SLC25A21: variants seen among roughly 807,000 people sequenced by gnomAD.
The protein encoded by SLC25A21 is solute carrier family 25 member 21.
In SLC25A21, 47 loss-of-function variants were observed where a neutral mutation model predicts 43.8. The observed-to-expected ratio is 1.07, with a 90% CI of 0.85 to 1.37. The LOEUF is 1.37. Ranked by LOEUF, SLC25A21 falls within the 40% of genes most tolerant of loss-of-function variation. SLC25A21 has a pLI of 0.00. For synonymous variants in SLC25A21, 131 were observed against 121.3 expected (o/e 1.08, Z -0.52); for missense variants, 352 against 350.2 (o/e 1.00, Z -0.04).
chr14:36,905,467 C>T (rs1445706311), intron 1 of SLC25A21, among the ~76,000 whole-genome samples: 1 of 152,160 alleles, frequency 6.6e-6, no homozygotes, highest in East Asian at 1.9e-4. Context: ...AGAAGCTTGC[C>T]CACTCATGCG....
chr14:36,845,011 T>C (rs572110043), intron 2 of SLC25A21, among the ~76,000 whole-genome samples: 107 of 152,320 alleles, frequency 7.0e-4, no homozygotes, highest in Middle Eastern at 6.8e-3. Context: ...TCTTGCAAAC[T>C]GATGTTTTTA....
chr14:36,817,711 G>A (rs1374293287), intron 2 of SLC25A21, among the ~76,000 whole-genome samples: 1 of 152,162 alleles, frequency 6.6e-6, no homozygotes, highest in African/African-American at 2.4e-5. Flanking sequence ...GAACAAGTCA[G>A]CAGATGGGCC....
rs531296490 is a variant in SLC25A21, at chr14:37,147,963, G to A, written c.70+24318C>T. ...TACAATTCTCCTGCCTCAGCCTCCC[G>A]AGTAGCAGGGATTGCAGGCACTCAC... On this transcript the variant is annotated intron_variant, in intron 1 of 9. Transcript: ENST00000331299. 1.1e-4 allele frequency among the ~76,000 whole-genome samples: 16 copies of A among 147,162 alleles called. No homozygotes were observed. The South Asian group carries it at 2.4e-3, about 22-fold the overall frequency.
Position 36,680,588 on chromosome 14 carries a change from G to C in SLC25A21, c.*70C>G. On this transcript the variant is annotated 3_prime_UTR_variant, in exon 10 of 10. Transcript: ENST00000331299. ...TAATTATACACCTGGCCGATCGATA[G>C]TCTCTCTTCTTCATGGTGCTGCATA... The C allele has an allele frequency of 6.5e-7, 1 of 1,547,728 alleles. No individual in the cohort carries two copies. Among genetic ancestry groups the C allele is most frequent in the Non-Finnish European group, 8.7e-7 (1 of 1,146,986 alleles).
At chr14:36,976,096 T>C (rs1002842845) in intron 1 of SLC25A21, among the ~76,000 whole-genome samples, 4 of 152,176 alleles carry the variant, frequency 2.6e-5, no homozygotes, top group Non-Finnish European at 4.4e-5. Flanking sequence ...TCCCATGTGT[T>C]GACCTGCCAT....
chr14:36,682,449 A>G (rs1396455204), intron 9 of SLC25A21, among the ~76,000 whole-genome samples: 1 of 152,202 alleles, frequency 6.6e-6, no homozygotes, highest in Admixed American at 6.5e-5. Context: ...TTAAAAAGCC[A>G]GCCAAACATT....
At position 36,968,540 on chromosome 14, in the gene SLC25A21, G is replaced by A. The variant is rs1046706681; in HGVS notation, c.71-93536C>T. On this transcript the variant is annotated intron_variant, in intron 1 of 9. Coordinates refer to ENST00000331299, the MANE Select transcript of SLC25A21 (RefSeq NM_030631.4). ...CATCCATCATGCTGGGGAAACGGCA[G>A]GAACGTAACCTACTACTTCTTAATA... Among the ~76,000 whole-genome samples, 8 of 152,188 alleles carry A rather than the reference G, an allele frequency of 5.3e-5. No homozygotes were observed. The East Asian group carries it at 1.5e-3, about 29-fold the overall frequency.
At chr14:37,006,415 A>G (rs765121991) in intron 1 of SLC25A21, among the ~76,000 whole-genome samples, 2 of 152,110 alleles carry the variant, frequency 1.3e-5, no homozygotes, top group Non-Finnish European at 2.9e-5. Context: ...AATATTATAT[A>G]TGTATATACA....
chr14:36,861,945 C>A (rs530952369), intron 2 of SLC25A21, among the ~76,000 whole-genome samples: 1 of 152,084 alleles, frequency 6.6e-6, no homozygotes, highest in African/African-American at 2.4e-5. Flanking sequence ...AAAAAGTGCA[C>A]GAAGGACATG....
intron 1 of SLC25A21, among the ~76,000 whole-genome samples, chr14:37,002,532 C>T (rs1263000149): frequency 3.3e-5 from 5 of 152,214 alleles, no homozygotes; most frequent in Non-Finnish European, 5.9e-5. Context: ...CTCCTTCCTA[C>T]GTATACAACT....
rs535846556 is a variant in SLC25A21, at chr14:37,000,318, T to TC, written c.71-125315dup. Among the ~76,000 whole-genome samples, 60 of 152,152 alleles carry TC rather than the reference T, an allele frequency of 3.9e-4. 2 individuals carry two copies. In the South Asian group the frequency reaches 0.012, roughly 32 times the overall value. On this transcript the variant is annotated intron_variant, in intron 1 of 9. Transcript: ENST00000331299. Reference sequence around the variant, plus strand: ...CCTATTTCAATAGCCTTCTAAATATTCCCCCGTTTTCTCTCACACCTGGCT... The same window carrying TC: ...CCTATTTCAATAGCCTTCTAAATATTCCCCCCGTTTTCTCTCACACCTGGCT...
chr14:36,764,079 A>AAGGAAGGAAG (rs1555326614), intron 3 of SLC25A21, among the ~76,000 whole-genome samples: 2 of 41,870 alleles, frequency 4.8e-5, no homozygotes, highest in African/African-American at 3.9e-4. Flanking sequence ...AAAGAAAGAA[A>AAGGAAGGAAG]GAAGGAAGGA....
intron 2 of SLC25A21, among the ~76,000 whole-genome samples, chr14:36,847,919 G>A (rs1012550372): frequency 6.6e-6 from 1 of 152,158 alleles, no homozygotes; most frequent in Non-Finnish European, 1.5e-5. Context: ...CGGTATGAAG[G>A]CTGGGCTTGA....
intron 1 of SLC25A21, among the ~76,000 whole-genome samples, chr14:37,056,776 C>A (rs1009964254): frequency 6.6e-6 from 1 of 152,156 alleles, no homozygotes; most frequent in South Asian, 2.1e-4. Context: ...AAGGGGCAAA[C>A]GTTCATCCAT....
chr14:36,784,047 G>A (rs1036658671), intron 3 of SLC25A21, among the ~76,000 whole-genome samples: 2 of 152,146 alleles, frequency 1.3e-5, no homozygotes, highest in Non-Finnish European at 2.9e-5. Flanking sequence ...CCCATTTTGT[G>A]TTGAAAGTGT....
chr14:36,787,766 C>A (rs1483344551), intron 3 of SLC25A21, among the ~76,000 whole-genome samples: 2 of 152,074 alleles, frequency 1.3e-5, no homozygotes, highest in East Asian at 1.9e-4. Flanking sequence ...ACATGTCCAG[C>A]CAATATAAAT....
chr14:36,842,627 T>C (rs1335072146), intron 2 of SLC25A21, among the ~76,000 whole-genome samples: 1 of 152,152 alleles, frequency 6.6e-6, no homozygotes, highest in African/African-American at 2.4e-5. Flanking sequence ...CTAACTTATA[T>C]TGGTGCCAAT....
chr14:36,850,682 C>A (rs573931926), intron 2 of SLC25A21, among the ~76,000 whole-genome samples: 1 of 152,292 alleles, frequency 6.6e-6, no homozygotes, highest in African/African-American at 2.4e-5. Flanking sequence ...TACCTCTACT[C>A]TACCAGCATC....
In SLC25A21 at chr14:36,984,051, T is replaced by A. The variant is rs144136785; in HGVS notation, c.71-109047A>T. Among the ~76,000 whole-genome samples the A allele has an allele frequency of 2.0e-5, 3 of 152,262 alleles. No homozygotes were observed. The South Asian group carries it at 6.2e-4, about 32-fold the overall frequency. ...GGTATAATATTCACTATTTGGATAA[T>A]AGGTTCACTAAAAGCCCAAAGCTCA... is the stretch of plus-strand genomic sequence containing the variant. On this transcript the variant is annotated intron_variant, in intron 1 of 9. Coordinates refer to ENST00000331299, the MANE Select transcript of SLC25A21 (RefSeq NM_030631.4).
Sources: gnomAD v4.1 joint callset for allele counts (sites outside exome capture counted in the v4.1 genomes callset) on GRCh38, gnomAD v4.1.1 for gene constraint, MANE v1.5 for transcripts, NCBI Gene and HGNC (gene_info 2026-07-23, HGNC 2026-07-21) for gene names.